KAZN: variants seen among roughly 807,000 people sequenced by gnomAD.
KAZN encodes the protein kazrin, periplakin interacting protein, also known as kazrin.
In KAZN, 40 loss-of-function variants were observed where a neutral mutation model predicts 87.4. The ratio of observed to expected loss-of-function variants is 0.46; its 90% CI spans 0.36 to 0.60. KAZN has a LOEUF of 0.60. KAZN is among the 20% of genes least tolerant of loss of function. The probability of loss-of-function intolerance (pLI) is 0.00; values close to 1 mark genes in which losing one functional copy is unlikely to be tolerated. For missense variants in KAZN, 898 were observed against 1,073.9 expected (o/e 0.84, Z 2.29); for synonymous variants, 466 against 458.3 (o/e 1.02, Z -0.22).
chr1:14,087,101 A>G (rs1207307359), intron 1 of KAZN, among the ~76,000 whole-genome samples: 1 of 152,214 alleles, frequency 6.6e-6, no homozygotes, highest in African/African-American at 2.4e-5. Flanking sequence ...CATCATCATC[A>G]TAGTGAATCT....
At chr1:14,351,281 T>C (rs1658532609) in intron 2 of KAZN, among the ~76,000 whole-genome samples, 1 of 152,186 alleles carries the variant, frequency 6.6e-6, no homozygotes, top group Non-Finnish European at 1.5e-5. Context: ...AAAATAATAA[T>C]CAGGCCAGGC....
At chr1:14,471,910 T>C (rs1166507180) in intron 2 of KAZN, among the ~76,000 whole-genome samples, 2 of 152,260 alleles carry the variant, frequency 1.3e-5, no homozygotes, top group African/African-American at 2.4e-5. Context: ...TAGGACTATG[T>C]ATTAGTCTCT....
At chr1:15,110,564 T>TGTGC (rs1641567903) in intron 13 of KAZN, among the ~76,000 whole-genome samples, 1 of 152,060 alleles carries the variant, frequency 6.6e-6, no homozygotes, top group Non-Finnish European at 1.5e-5. Context: ...TGTGTGTGTG[T>TGTGC]GTGTATCCTC....
intron 2 of KAZN, among the ~76,000 whole-genome samples, chr1:14,338,515 A>AGAGAGT (rs1214204292): frequency 6.9e-6 from 1 of 144,758 alleles, no homozygotes; most frequent in Non-Finnish European, 1.5e-5. Flanking sequence ...AGAGAGAGAG[A>AGAGAGT]GAGAGTGAGA....
At chr1:14,723,968 C>T (rs998624092) in intron 1 of KAZN, among the ~76,000 whole-genome samples, 1 of 152,178 alleles carries the variant, frequency 6.6e-6, no homozygotes, top group African/African-American at 2.4e-5. Flanking sequence ...ATGACGTCCA[C>T]CGAATATGGC....
intron 2 of KAZN, among the ~76,000 whole-genome samples, chr1:14,210,619 G>A (rs1646834830): frequency 6.6e-6 from 1 of 152,024 alleles, no homozygotes; most frequent in South Asian, 2.1e-4. Flanking sequence ...AATTACTAAG[G>A]ACCCCTAAGA....
At chr1:15,093,022 C>G (rs1169708366) in intron 8 of KAZN, among the ~76,000 whole-genome samples, 2 of 151,914 alleles carry the variant, frequency 1.3e-5, no homozygotes, top group Admixed American at 1.3e-4. Flanking sequence ...ATAAATCACC[C>G]AGTTGCCCAA....
chr1:14,695,728 A>G (rs1362319647), intron 1 of KAZN, among the ~76,000 whole-genome samples: 1 of 150,044 alleles, frequency 6.7e-6, no homozygotes, highest in Non-Finnish European at 1.5e-5. Flanking sequence ...CTGGTCTTGA[A>G]CTCCTGACCT....
chr1:14,704,247 T>A (rs1044084768), intron 1 of KAZN, among the ~76,000 whole-genome samples: 1 of 152,226 alleles, frequency 6.6e-6, no homozygotes, highest in Admixed American at 6.5e-5. Context: ...AAGGGGATTT[T>A]GTTACCCAAC....
chr1:14,185,955 A>G (rs1013828510), intron 2 of KAZN, among the ~76,000 whole-genome samples: 1 of 152,222 alleles, frequency 6.6e-6, no homozygotes, highest in Non-Finnish European at 1.5e-5. Context: ...GTCGAGTTGG[A>G]AATGAGACTC....
intron 1 of KAZN, among the ~76,000 whole-genome samples, chr1:14,155,521 A>G: frequency 6.6e-6 from 1 of 151,646 alleles, no homozygotes; most frequent in Middle Eastern, 3.2e-3. Context: ...CTTTATTTCA[A>G]TTTCATTTAT....
chr1:13,945,267 A>G (rs1351888689), intron 1 of KAZN, among the ~76,000 whole-genome samples: 1 of 151,968 alleles, frequency 6.6e-6, no homozygotes. Flanking sequence ...TGAGGTAAGA[A>G]GTTCGAGACC....
chr1:14,784,969 C>CT (rs143932268), intron 1 of KAZN, among the ~76,000 whole-genome samples: 7,611 of 136,060 alleles, frequency 0.056, 278 homozygotes, highest in South Asian at 0.1. Flanking sequence ...AGACTGCTTA[C>CT]TTTTTTTTTT....
At chr1:14,625,518 G>A (rs571582685) in intron 1 of KAZN, among the ~76,000 whole-genome samples, 1 of 152,240 alleles carries the variant, frequency 6.6e-6, no homozygotes, top group East Asian at 1.9e-4. Context: ...GCCCCAAAGA[G>A]GCTTGACTTA....
chr1:14,964,254 C>T (rs1187744573), intron 2 of KAZN, among the ~76,000 whole-genome samples: 1 of 152,140 alleles, frequency 6.6e-6, no homozygotes, highest in African/African-American at 2.4e-5. Context: ...GTAACAATGC[C>T]TGTTTTTCTT....
chr1:14,747,827 A>G (rs956032769), intron 1 of KAZN, among the ~76,000 whole-genome samples: 5 of 152,216 alleles, frequency 3.3e-5, no homozygotes, highest in African/African-American at 1.2e-4. Context: ...TCTCACCAGC[A>G]ATGCATAAGG....
intron 2 of KAZN, among the ~76,000 whole-genome samples, chr1:14,266,868 C>CT (rs1165081981): frequency 3.9e-5 from 6 of 151,986 alleles, no homozygotes; most frequent in Admixed American, 1.3e-4. Flanking sequence ...TGGGAACCAA[C>CT]TTTTTTTTCT....
At chr1:14,930,093 G>T in intron 1 of KAZN, 1 of 985,502 alleles carries the variant, frequency 1.0e-6, no homozygotes, top group Non-Finnish European at 1.2e-6. Context: ...CTGACACTGA[G>T]TCTGGCCTAA....
chr1:14,715,751 T>G (rs1642760172), intron 1 of KAZN, among the ~76,000 whole-genome samples: 1 of 152,202 alleles, frequency 6.6e-6, no homozygotes, highest in African/African-American at 2.4e-5. Flanking sequence ...CGCAGCTTCA[T>G]TTTCTTTTCC....
Sources: allele counts gnomAD v4.1 joint callset (sites outside exome capture counted in the v4.1 genomes callset), GRCh38; gene constraint gnomAD v4.1.1; transcripts MANE v1.5; gene names NCBI Gene and HGNC (gene_info 2026-07-23, HGNC 2026-07-21).